The following KALRN variants were observed in gnomAD, a reference collection of about 807,000 sequenced individuals.
The protein encoded by KALRN is kalirin RhoGEF kinase.
A neutral mutation model predicts 353.7 loss-of-function variants in KALRN; 70 were observed. The observed-to-expected ratio is 0.20, with a 90% CI of 0.16 to 0.24. The LOEUF (loss-of-function observed/expected upper bound fraction) is 0.24. Ranked by LOEUF, KALRN falls within the 10% of genes least tolerant of loss-of-function variation. The pLI is 1.00. For synonymous variants in KALRN, 1,391 were observed against 1,434.8 expected, an observed-to-expected ratio of 0.97 and a Z score of 0.69; for missense variants, 2,791 against 3,756.7, an observed-to-expected ratio of 0.74 and a Z score of 6.72.
At chr3:124,149,930 C>T (rs2067867814) in intron 1 of KALRN, among the ~76,000 whole-genome samples, 1 of 152,158 alleles carries the variant, frequency 6.6e-6, no homozygotes, top group Non-Finnish European at 1.5e-5. Context: ...CTCCTCTTTT[C>T]CCTGAATAGC....
chr3:124,649,147 G>A (rs1257549910), intron 37 of KALRN, among the ~76,000 whole-genome samples: 1 of 152,132 alleles, frequency 6.6e-6, no homozygotes, highest in African/African-American at 2.4e-5. Context: ...TTTGATATCT[G>A]CTTAGTGTTA....
intron 1 of KALRN, among the ~76,000 whole-genome samples, chr3:124,077,781 T>C (rs942583565): frequency 2.0e-5 from 3 of 152,186 alleles, no homozygotes; most frequent in African/African-American, 7.2e-5. Context: ...GTAGCTCCCA[T>C]TGGATAAAGT....
intron 5 of KALRN, among the ~76,000 whole-genome samples, chr3:124,286,241 C>G (rs1219670282): frequency 6.8e-6 from 1 of 147,110 alleles, no homozygotes; most frequent in Non-Finnish European, 1.5e-5. Flanking sequence ...TCTTCTCTTC[C>G]TCTCTTTCTC....
At chr3:124,350,375 C>A (rs2082717162) in intron 10 of KALRN, among the ~76,000 whole-genome samples, 2 of 152,136 alleles carry the variant, frequency 1.3e-5, no homozygotes, top group African/African-American at 4.8e-5. Flanking sequence ...TTATACCAAT[C>A]CTGAATGATA....
At chr3:124,662,640 G>A (rs2085044171) in intron 45 of KALRN, among the ~76,000 whole-genome samples, 1 of 152,172 alleles carries the variant, frequency 6.6e-6, no homozygotes, top group Non-Finnish European at 1.5e-5. Flanking sequence ...ACAAAGTTCT[G>A]TTATTTGAAG....
intron 32 of KALRN, among the ~76,000 whole-genome samples, chr3:124,496,012 T>TAC (rs71922638): frequency 0.036 from 1,523 of 42,866 alleles, 117 homozygotes; most frequent in Middle Eastern, 0.058. Flanking sequence ...TATATATATA[T>TAC]ACACACACAT....
At chr3:124,676,064 G>A (rs2087150146) in intron 49 of KALRN, among the ~76,000 whole-genome samples, 1 of 152,124 alleles carries the variant, frequency 6.6e-6, no homozygotes, top group African/African-American at 2.4e-5. Context: ...GGCCCTCAAA[G>A]CATTGAAGTT....
chr3:124,157,682 C>T (rs896409797), intron 1 of KALRN, among the ~76,000 whole-genome samples: 2 of 152,156 alleles, frequency 1.3e-5, no homozygotes, highest in South Asian at 2.1e-4. Context: ...TTTCAAGTTA[C>T]ACTGATCACT....
intron 11 of KALRN, among the ~76,000 whole-genome samples, chr3:124,385,978 A>G (rs1005443167): frequency 6.6e-6 from 1 of 151,964 alleles, no homozygotes; most frequent in East Asian, 1.9e-4. Context: ...GCCCTACTTA[A>G]TTAAGTTGAA....
intron 33 of KALRN, among the ~76,000 whole-genome samples, chr3:124,536,196 CTTTTTTTTTTT>C (rs34435871): frequency 2.0e-5 from 2 of 99,124 alleles, no homozygotes; most frequent in African/African-American, 8.5e-5. Context: ...CATCCATACT[CTTTTTTTTTTT>C]TTTTTTTTTT....
intron 1 of KALRN, among the ~76,000 whole-genome samples, chr3:124,138,619 C>T (rs556909672): frequency 6.6e-6 from 1 of 152,312 alleles, no homozygotes; most frequent in South Asian, 2.1e-4. Flanking sequence ...TCCCTTCTCC[C>T]ATATTCTCTC....
chr3:124,514,877 T>C (rs989196069), intron 33 of KALRN, among the ~76,000 whole-genome samples: 3 of 152,202 alleles, frequency 2.0e-5, no homozygotes, highest in African/African-American at 7.2e-5. Flanking sequence ...GTGTTCCATG[T>C]ATTGTCTGTT....
intron 36 of KALRN, among the ~76,000 whole-genome samples, chr3:124,634,685 T>A (rs864748): frequency 6.6e-6 from 1 of 152,010 alleles, no homozygotes; most frequent in Non-Finnish European, 1.5e-5. Context: ...TCCTTGCAGC[T>A]CTGCTTTCAC....
chr3:124,497,156 A>G (rs532264157), intron 33 of KALRN, among the ~76,000 whole-genome samples: 2 of 152,150 alleles, frequency 1.3e-5, no homozygotes, highest in African/African-American at 2.4e-5. Flanking sequence ...GAGGAATGCA[A>G]CCGCCGGAAT....
chr3:124,478,871 G>A (rs1186682441), intron 27 of KALRN, among the ~76,000 whole-genome samples: 2 of 152,108 alleles, frequency 1.3e-5, no homozygotes, highest in Non-Finnish European at 2.9e-5. Context: ...CGCTCTCTCT[G>A]CCTAGGATAG....
At chr3:124,120,025 A>G (rs1205581947) in intron 1 of KALRN, among the ~76,000 whole-genome samples, 1 of 152,162 alleles carries the variant, frequency 6.6e-6, no homozygotes, top group Non-Finnish European at 1.5e-5. Flanking sequence ...ATATTGACCC[A>G]TCTCCCCACA....
chr3:124,144,506 C>A (rs1053533658), intron 1 of KALRN, among the ~76,000 whole-genome samples: 4 of 152,042 alleles, frequency 2.6e-5, no homozygotes, highest in Admixed American at 1.3e-4. Context: ...CCTCCTCTTC[C>A]TCATTGTCCT....
At chr3:124,389,359 C>T (rs1021098797) in intron 11 of KALRN, among the ~76,000 whole-genome samples, 2 of 152,098 alleles carry the variant, frequency 1.3e-5, no homozygotes, top group African/African-American at 4.8e-5. Flanking sequence ...TTACTTTTGC[C>T]AACTTTCCAC....
intron 6 of KALRN, among the ~76,000 whole-genome samples, chr3:124,317,672 T>A (rs2078939188): frequency 8.2e-6 from 1 of 122,580 alleles, no homozygotes; most frequent in Non-Finnish European, 1.6e-5. Context: ...AGCTGCTAGG[T>A]GAAGCCAGTG....
Sources: allele counts gnomAD v4.1 joint callset (sites outside exome capture counted in the v4.1 genomes callset), GRCh38; gene constraint gnomAD v4.1.1; transcripts MANE v1.5; gene names NCBI Gene and HGNC (gene_info 2026-07-23, HGNC 2026-07-21).